SMIM14: variants seen among roughly 807,000 people sequenced by gnomAD.
The protein encoded by SMIM14 is small integral membrane protein 14.
A neutral mutation model predicts 12.6 loss-of-function variants in SMIM14; 5 were observed. The observed-to-expected ratio is 0.40, with a 90% CI of 0.21 to 0.83. The LOEUF is 0.83. Among genes scored for constraint, SMIM14 ranks in the 40% least tolerant of loss-of-function variants. SMIM14 has a pLI of 0.37. For synonymous variants in SMIM14, 30 were observed against 40.1 expected, an observed-to-expected ratio of 0.75 and a Z score of 0.95; for missense variants, 86 against 119.1, an observed-to-expected ratio of 0.72 and a Z score of 1.29.
At chr4:39,560,815 C>G (rs1017991462) in intron 3 of SMIM14, among the ~76,000 whole-genome samples, 1 of 151,982 alleles carries the variant, frequency 6.6e-6, no homozygotes, top group South Asian at 2.1e-4. Context: ...AAGAAAACAC[C>G]TTTTTTCTTT....
chr4:39,583,778 C>T (rs562413228), intron 2 of SMIM14, among the ~76,000 whole-genome samples: 29 of 152,168 alleles, frequency 1.9e-4, no homozygotes, highest in Non-Finnish European at 3.4e-4. Context: ...TTTGCTCTTT[C>T]TGCCACACTT....
intron 2 of SMIM14, among the ~76,000 whole-genome samples, chr4:39,584,828 A>G (rs1054050137): frequency 1.3e-5 from 2 of 151,376 alleles, no homozygotes; most frequent in Non-Finnish European, 2.9e-5. Flanking sequence ...AGAAAAAAAA[A>G]TTTTTGTAAA....
chr4:39,565,659 G>A (rs1410527932), intron 3 of SMIM14, among the ~76,000 whole-genome samples: 2 of 152,102 alleles, frequency 1.3e-5, no homozygotes, highest in Admixed American at 1.3e-4. Flanking sequence ...GATGATATCT[G>A]ACTCTCATTT....
chr4:39,556,631 A>G, intron 3 of SMIM14, 61 bp from the exon 4 acceptor site: 1 of 1,394,896 alleles, frequency 7.2e-7, no homozygotes, highest in South Asian at 1.6e-5. Flanking sequence ...AACAAATTCT[A>G]ATGTTTAAAT....
At chr4:39,580,557 T>C (rs1299788898) in intron 2 of SMIM14, among the ~76,000 whole-genome samples, 1 of 151,914 alleles carries the variant, frequency 6.6e-6, no homozygotes, top group African/African-American at 2.4e-5. Flanking sequence ...AGTCTCACTC[T>C]GTCACCCAGG....
At position 39,606,566 on chromosome 4, in the gene SMIM14, G is replaced by A. The variant is rs1010419319; in HGVS notation, c.-35-1386C>T. ...TGAGACAGGAGAATCGCTTGAATCC[G>A]GGAGGCAGATGTTGCAGTGAGCCAA... On this transcript the variant is annotated intron_variant, in intron 1 of 4. Coordinates refer to ENST00000295958, the MANE Select transcript of SMIM14 (RefSeq NM_174921.3). 6.0e-5 allele frequency among the ~76,000 whole-genome samples: 9 copies of A among 150,742 alleles called. No individual in the cohort carries two copies. The South Asian group carries it at 1.3e-3, about 21-fold the overall frequency.
At chr4:39,623,735 G>A (rs1578367104) in intron 1 of SMIM14, among the ~76,000 whole-genome samples, 1 of 152,234 alleles carries the variant, frequency 6.6e-6, no homozygotes, top group South Asian at 2.1e-4. Flanking sequence ...GGTGGTGCAT[G>A]CCTGCAGTCT....
chr4:39,563,107 C>A (rs1712399630), intron 3 of SMIM14, among the ~76,000 whole-genome samples: 1 of 152,026 alleles, frequency 6.6e-6, no homozygotes, highest in Admixed American at 6.6e-5. Context: ...GCTGGCCAGG[C>A]TGGAGTGCAA....
chr4:39,580,582 A>T (rs1490808555), intron 2 of SMIM14, among the ~76,000 whole-genome samples: 1 of 151,808 alleles, frequency 6.6e-6, no homozygotes. Context: ...GCTGGAGTAC[A>T]GTGGTGCGAT....
intron 3 of SMIM14, among the ~76,000 whole-genome samples, chr4:39,566,532 C>CGCACCGAGAAAGAA (rs1351391132): frequency 1.1e-4 from 16 of 152,056 alleles, no homozygotes; most frequent in African/African-American, 3.9e-4. Flanking sequence ...AGAAAGAAGA[C>CGCACCGAGAAAGAA]AGCAGATAGC....
chr4:39,576,425 G>A, intron 2 of SMIM14, among the ~76,000 whole-genome samples: 1 of 151,142 alleles, frequency 6.6e-6, no homozygotes, highest in Non-Finnish European at 1.5e-5. Flanking sequence ...ACATGACTAG[G>A]AGGTCCCTAG....
Position 39,610,588 on chromosome 4 carries a change from T to C in SMIM14, c.-35-5408A>G, listed in dbSNP as rs573182875. Among the ~76,000 whole-genome samples, 4 of 151,416 alleles carry C rather than the reference T, an allele frequency of 2.6e-5. No homozygotes were observed. The South Asian group carries it at 8.3e-4, about 32-fold the overall frequency. ...CGTGTACCTGTAGTTCTAACTACTC[T>C]GGAGGCTGAAGTAGGGGGATCGCTT... On this transcript the variant is annotated intron_variant, in intron 1 of 4. Transcript: ENST00000295958.
intron 3 of SMIM14, among the ~76,000 whole-genome samples, chr4:39,557,427 C>G (rs1476115428): frequency 6.6e-6 from 1 of 152,056 alleles, no homozygotes; most frequent in Admixed American, 6.6e-5. Flanking sequence ...TTTGGGGTAA[C>G]AGAATCATTT....
intron 1 of SMIM14, among the ~76,000 whole-genome samples, chr4:39,621,461 C>T (rs1379709502): frequency 6.6e-6 from 1 of 152,042 alleles, no homozygotes; most frequent in Admixed American, 6.6e-5. Context: ...ACTATGATAA[C>T]TTTTCTGGCA....
chr4:39,550,905 G>GA lies in SMIM14; in HGVS notation c.*1220dup, dbSNP rs2109974045. On this transcript the variant is annotated 3_prime_UTR_variant, in exon 5 of 5. Transcript: ENST00000295958. ...CTAACAGGCCCTAATACAGCTTTAA[G>GA]ATTTTCTTCTTTTTTTTTTTTTGAG... 1 of 150,896 alleles carries GA rather than the reference G, an allele frequency of 6.6e-6. No individual in the cohort carries two copies. The highest frequency in any genetic ancestry group is 2.1e-4 in the South Asian group (1 of 4,762). The allele number at this position is 150,896 out of a possible 1,614,324, so 9.3% of individuals were successfully genotyped here. A position where few individuals can be genotyped will look rare whatever the true frequency, so the allele number is the denominator to read the frequency against.
chr4:39,568,886 G>C (rs1217348524), intron 3 of SMIM14, among the ~76,000 whole-genome samples: 1 of 152,154 alleles, frequency 6.6e-6, no homozygotes, highest in Admixed American at 6.5e-5. Context: ...TGGGGGGAAA[G>C]AAAAACTTGC....
In SMIM14 at chr4:39,604,398, G is replaced by A. The variant is rs924797834; in HGVS notation, c.75+673C>T. Among the ~76,000 whole-genome samples the A allele has an allele frequency of 8.9e-4, 135 of 151,680 alleles. 1 individual carries two copies. The highest frequency in any genetic ancestry group is 7.9e-4 in the Admixed American group (12 of 15,222). ...CTAAAAATGCAAATATTAGCCAGGC[G>A]TGGTGGCACACTCCTGTAGTCCCAG... On this transcript the variant is annotated intron_variant, in intron 2 of 4. Transcript: ENST00000295958.
chr4:39,595,939 T>C (rs1714342386), intron 2 of SMIM14, among the ~76,000 whole-genome samples: 1 of 152,014 alleles, frequency 6.6e-6, no homozygotes, highest in African/African-American at 2.4e-5. Context: ...TTTGTATATA[T>C]CTGTACAAGG....
chr4:39,570,166 T>C (rs1054982565), intron 3 of SMIM14, among the ~76,000 whole-genome samples: 2 of 152,190 alleles, frequency 1.3e-5, no homozygotes, highest in Middle Eastern at 3.2e-3. Flanking sequence ...TTTTTTTGTT[T>C]TTTTTTCTTT....
Sources: allele counts gnomAD v4.1 joint callset (sites outside exome capture counted in the v4.1 genomes callset), GRCh38; gene constraint gnomAD v4.1.1; transcripts MANE v1.5; gene names NCBI Gene and HGNC (gene_info 2026-07-23, HGNC 2026-07-21).